RBMS3: variants seen among roughly 807,000 people sequenced by gnomAD.
RBMS3 encodes the protein RNA binding motif single stranded interacting protein 3.
Under a neutral mutation model 66.8 loss-of-function variants are expected in RBMS3, and 27 were observed. The ratio of observed to expected loss-of-function variants is 0.40; its 90% CI spans 0.30 to 0.56. The LOEUF is 0.56. RBMS3 is among the 20% of genes least tolerant of loss of function. The pLI, the probability that RBMS3 is intolerant of heterozygous loss-of-function variation, is 0.40. For missense variants in RBMS3, 513 were observed against 549.5 expected, an observed-to-expected ratio of 0.93 and a Z score of 0.66; for synonymous variants, 188 against 183.0, an observed-to-expected ratio of 1.03 and a Z score of -0.22.
At chr3:29,660,432 G>T (rs937299121) in intron 4 of RBMS3, among the ~76,000 whole-genome samples, 1 of 152,146 alleles carries the variant, frequency 6.6e-6, no homozygotes, top group Non-Finnish European at 1.5e-5. Flanking sequence ...AACCTAAAAT[G>T]AGTCTCTTAT....
In RBMS3 at chr3:29,643,341, A is replaced by G. The variant is rs137931133; in HGVS notation, c.399+56136A>G. ...CCACACATGGGGAGCTTTTAGGAAC[A>G]AGGTTTTTGGCCTGCACGGGCTTCA... On this transcript the variant is annotated intron_variant, in intron 4 of 14. Transcript: ENST00000383767. 1.4e-4 allele frequency among the ~76,000 whole-genome samples: 22 copies of G among 152,206 alleles called. No individual in the cohort carries two copies. In the East Asian group the frequency reaches 3.9e-3, roughly 27 times the overall value.
chr3:29,408,346 C>T (rs1300209193), intron 1 of RBMS3, among the ~76,000 whole-genome samples: 1 of 149,414 alleles, frequency 6.7e-6, no homozygotes, highest in Non-Finnish European at 1.5e-5. Flanking sequence ...ACATTGGAAT[C>T]ACAGATCTCT....
intron 2 of RBMS3, among the ~76,000 whole-genome samples, chr3:29,448,524 G>A (rs1251515035): frequency 6.6e-6 from 1 of 152,236 alleles, no homozygotes; most frequent in East Asian, 1.9e-4. Flanking sequence ...ACAACTTTAC[G>A]CTAAATCTGT....
intron 10 of RBMS3, among the ~76,000 whole-genome samples, chr3:29,919,335 T>C (rs2149650478): frequency 6.6e-6 from 1 of 152,202 alleles, no homozygotes; most frequent in South Asian, 2.1e-4. Context: ...AAGTCAGAGA[T>C]GGACAGGTAA....
intron 6 of RBMS3, among the ~76,000 whole-genome samples, chr3:29,781,224 T>C (rs1353559941): frequency 2.2e-5 from 3 of 137,356 alleles, no homozygotes; most frequent in Admixed American, 7.4e-5. Flanking sequence ...CCCTTAATCA[T>C]TGGAAACCAT....
intron 4 of RBMS3, among the ~76,000 whole-genome samples, chr3:29,622,568 CT>C: frequency 6.6e-6 from 1 of 152,240 alleles, no homozygotes; most frequent in Middle Eastern, 3.4e-3. Flanking sequence ...ATAAAATTGG[CT>C]TGTTGAACGT....
chr3:29,293,192 G>A (rs759919096), intron 1 of RBMS3, among the ~76,000 whole-genome samples: 2 of 151,786 alleles, frequency 1.3e-5, no homozygotes, highest in African/African-American at 2.4e-5. Context: ...GTTTTAAAGT[G>A]TATTTTTGAT....
chr3:29,617,456 T>C (rs761514291), intron 4 of RBMS3, among the ~76,000 whole-genome samples: 2 of 152,118 alleles, frequency 1.3e-5, no homozygotes, highest in African/African-American at 2.4e-5. Context: ...TACCTTTAAG[T>C]GGAGGATTGT....
chr3:29,932,222 A>G (rs914655032), intron 10 of RBMS3, among the ~76,000 whole-genome samples: 5 of 152,158 alleles, frequency 3.3e-5, no homozygotes, highest in African/African-American at 9.7e-5. Context: ...GCCCATCAAA[A>G]ATGCAGGCTT....
intron 4 of RBMS3, among the ~76,000 whole-genome samples, chr3:29,693,079 A>G: frequency 6.6e-6 from 1 of 152,160 alleles, no homozygotes. Context: ...CATAATTTAC[A>G]TTGAGACTAA....
intron 4 of RBMS3, among the ~76,000 whole-genome samples, chr3:29,605,379 T>C (rs1336192839): frequency 2.6e-5 from 4 of 152,020 alleles, no homozygotes; most frequent in Non-Finnish European, 1.5e-5. Context: ...TAGAATCATA[T>C]TGAATAATAC....
intron 3 of RBMS3, among the ~76,000 whole-genome samples, chr3:29,493,107 G>A (rs2043612527): frequency 6.6e-6 from 1 of 152,112 alleles, no homozygotes; most frequent in Admixed American, 6.5e-5. Context: ...AAAAAATATA[G>A]GAAGCATCCA....
At chr3:29,600,299 G>A (rs1204066831) in intron 4 of RBMS3, among the ~76,000 whole-genome samples, 1 of 151,964 alleles carries the variant, frequency 6.6e-6, no homozygotes, top group Non-Finnish European at 1.5e-5. Flanking sequence ...GGGTCATAAA[G>A]GTAGATCCCT....
At chr3:29,482,685 T>TTTTCTTTCTTTC (rs763917777) in intron 2 of RBMS3, among the ~76,000 whole-genome samples, 2 of 130,652 alleles carry the variant, frequency 1.5e-5, no homozygotes, top group African/African-American at 3.1e-5. Context: ...CAGTCTACCA[T>TTTTCTTTCTTTC]TTTCTTTCTT....
intron 6 of RBMS3, among the ~76,000 whole-genome samples, chr3:29,838,173 CA>C (rs71091080): frequency 0.11 from 9,373 of 82,828 alleles, 274 homozygotes; most frequent in Non-Finnish European, 0.12. Flanking sequence ...CTCATCTCTA[CA>C]AAAAAAAAAA....
chr3:29,832,415 C>A (rs1422103829), intron 6 of RBMS3, among the ~76,000 whole-genome samples: 2 of 152,144 alleles, frequency 1.3e-5, no homozygotes, highest in African/African-American at 2.4e-5. Flanking sequence ...ATGAGAGTAC[C>A]TTTGTGGGAG....
chr3:29,878,878 C>CA (rs1243805875), intron 7 of RBMS3, among the ~76,000 whole-genome samples: 9 of 150,914 alleles, frequency 6.0e-5, no homozygotes, highest in South Asian at 4.2e-4. Context: ...CCCATCTCTA[C>CA]AAAAAAAAAT....
chr3:29,714,747 T>TACACACACAC (rs34878958), intron 4 of RBMS3, among the ~76,000 whole-genome samples: 1 of 149,234 alleles, frequency 6.7e-6, no homozygotes, highest in Non-Finnish European at 1.5e-5. Flanking sequence ...TGCACACATG[T>TACACACACAC]ACACACACAC....
intron 2 of RBMS3, among the ~76,000 whole-genome samples, chr3:29,451,553 C>T (rs1010976194): frequency 6.6e-6 from 1 of 152,030 alleles, no homozygotes; most frequent in African/African-American, 2.4e-5. Context: ...GCTTTCCCTT[C>T]TACTTATGAG....
Sources: allele counts gnomAD v4.1 joint callset (sites outside exome capture counted in the v4.1 genomes callset), GRCh38; gene constraint gnomAD v4.1.1; transcripts MANE v1.5; gene names NCBI Gene and HGNC (gene_info 2026-07-23, HGNC 2026-07-21).